JMY: variants seen among roughly 807,000 people sequenced by gnomAD.
JMY encodes the protein junction-mediating and -regulatory protein.
A neutral mutation model predicts 103.3 loss-of-function variants in JMY; 46 were observed. That is an observed-to-expected ratio of 0.45 (90% CI 0.35 to 0.57). The LOEUF is 0.57. Ranked by LOEUF, JMY falls within the 20% of genes least tolerant of loss-of-function variation. JMY has a pLI of 0.00. For missense variants in JMY, 1,238 were observed against 1,255.2 expected (o/e 0.99, Z 0.21); for synonymous variants, 526 against 489.3 (o/e 1.07, Z -0.99).
In JMY at chr5:79,278,101, C is replaced by G; in HGVS notation, c.1206+18C>G. ...AGATCAAGGTATTTTTTTATTAATC[C>G]TAACTAGTAGCCTGCCTGTTTCATA... On this transcript the variant is annotated intron_variant, in intron 2 of 10. Transcript: ENST00000396137. The G allele has an allele frequency of 6.3e-7, 1 of 1,593,708 alleles. No individual in the cohort carries two copies. Among genetic ancestry groups the G allele is most frequent in the Non-Finnish European group, 8.6e-7 (1 of 1,167,100 alleles).
At chr5:79,318,761 TAGAGAGAGAGAGAGAGAGAGAG>T (rs3081332) in intron 10 of JMY, among the ~76,000 whole-genome samples, 2 of 53,612 alleles carry the variant, frequency 3.7e-5, no homozygotes, top group Non-Finnish European at 6.5e-5. Context: ...TATATATATA[TAGAGAGAGAGAGAGAGAGAGAG>T]AGAGAGAGAG....
rs1168294022 is a variant in JMY at position 79,270,580 on chromosome 5, T to C, written c.1033-7330T>C. 2.7e-5 allele frequency among the ~76,000 whole-genome samples: 2 copies of C among 74,364 alleles called. 1 individual carries two copies. Among genetic ancestry groups the C allele is most frequent in the Non-Finnish European group, 6.6e-5 (2 of 30,406 alleles). 48.8% of individuals were successfully genotyped at this position (74,364 alleles called of 152,430 possible). A position where few individuals can be genotyped will look rare whatever the true frequency, so the allele number is the denominator to read the frequency against. Reference sequence around the variant, plus strand: ...TACATAAATATTTAAAATGTATATTTACATAAATATTTAAAATGTATATTT... The same window carrying C: ...TACATAAATATTTAAAATGTATATTCACATAAATATTTAAAATGTATATTT... On this transcript the variant is annotated intron_variant, in intron 1 of 10. Coordinates refer to ENST00000396137, the MANE Select transcript of JMY (RefSeq NM_152405.5).
intron 1 of JMY, among the ~76,000 whole-genome samples, chr5:79,244,689 CT>C (rs1744836632): frequency 6.6e-6 from 1 of 150,906 alleles, no homozygotes. Flanking sequence ...GAGAAGTTTC[CT>C]GTGGCTCTTT....
chr5:79,253,514 G>C (rs551012574), intron 1 of JMY, among the ~76,000 whole-genome samples: 3 of 152,022 alleles, frequency 2.0e-5, no homozygotes, highest in Non-Finnish European at 4.4e-5. Flanking sequence ...GGATAGTCTT[G>C]ATCTCCTGAC....
chr5:79,254,708 G>T (rs988958784), intron 1 of JMY, among the ~76,000 whole-genome samples: 1 of 151,996 alleles, frequency 6.6e-6, no homozygotes, highest in Non-Finnish European at 1.5e-5. Flanking sequence ...GGGAAGTTCT[G>T]TGTTATTATC....
At chr5:79,273,678 A>T (rs1745849966) in intron 1 of JMY, among the ~76,000 whole-genome samples, 1 of 152,180 alleles carries the variant, frequency 6.6e-6, no homozygotes, top group African/African-American at 2.4e-5. Context: ...GTACGCCTAT[A>T]ATCCTAACAC....
chr5:79,288,887 T>C (rs1297428643), intron 2 of JMY, among the ~76,000 whole-genome samples: 1 of 151,986 alleles, frequency 6.6e-6, no homozygotes, highest in East Asian at 1.9e-4. Flanking sequence ...CCCTTTGATA[T>C]AGTGAGTTTG....
chr5:79,262,347 A>G (rs1406171920), intron 1 of JMY, among the ~76,000 whole-genome samples: 1 of 152,140 alleles, frequency 6.6e-6, no homozygotes, highest in Non-Finnish European at 1.5e-5. Context: ...TACCTTACAC[A>G]TTTTGCAGTT....
In JMY at chr5:79,300,702, G is replaced by T; in HGVS notation, c.1720G>T (p.Asp574Tyr). 6.2e-7 allele frequency: 1 copy of T among 1,607,990 alleles called. No individual in the cohort carries two copies. Among genetic ancestry groups the T allele is most frequent in the South Asian group, 1.1e-5 (1 of 89,562 alleles). The change falls in exon 6 of 11, where the codon GAC (aspartate) becomes TAC (tyrosine). Residue 574 changes from aspartate to tyrosine, a missense_variant. Coordinates refer to ENST00000396137, the MANE Select transcript of JMY (RefSeq NM_152405.5). ...AAAAAGAGATGAAGTGGTATACTAT[G>T]ACACTTACGAAAGCATGGAGGCCAT... Reference protein sequence around the residue: ...SEKRDEVVYYDTYESMEAMLE... With the variant: ...SEKRDEVVYYYTYESMEAMLE...
chr5:79,315,610 TAAAC>T (rs889930311), intron 9 of JMY, among the ~76,000 whole-genome samples: 22 of 152,172 alleles, frequency 1.4e-4, no homozygotes, highest in African/African-American at 4.3e-4. Context: ...GTCTCCATAA[TAAAC>T]AAAAATTAAT....
chr5:79,246,059 G>GTGT (rs1279232273), intron 1 of JMY, among the ~76,000 whole-genome samples: 11 of 152,174 alleles, frequency 7.2e-5, no homozygotes, highest in African/African-American at 2.7e-4. Context: ...TATGGCAGTA[G>GTGT]TGTTTCATTT....
chr5:79,278,170 T>TAAAAA, intron 2 of JMY, 87 bp downstream of exon 2: 3 of 651,986 alleles, frequency 4.6e-6, no homozygotes, highest in Non-Finnish European at 7.0e-6. Flanking sequence ...AGAGGAACTT[T>TAAAAA]AAAAAAAAAA....
At chr5:79,244,201 A>G (rs941097443) in intron 1 of JMY, among the ~76,000 whole-genome samples, 4 of 151,942 alleles carry the variant, frequency 2.6e-5, no homozygotes, top group Non-Finnish European at 5.9e-5. Flanking sequence ...GGGTTTCACC[A>G]TGTTGGCCAG....
intron 1 of JMY, among the ~76,000 whole-genome samples, chr5:79,259,746 G>T (rs1286026898): frequency 6.6e-6 from 1 of 152,246 alleles, no homozygotes; most frequent in Non-Finnish European, 1.5e-5. Context: ...ACTTTGCCTT[G>T]TGAGTGGAAC....
At chr5:79,320,199 T>TGA (rs1747405933) in intron 10 of JMY, among the ~76,000 whole-genome samples, 1 of 152,124 alleles carries the variant, frequency 6.6e-6, no homozygotes, top group Non-Finnish European at 1.5e-5. Context: ...CTGGGCAACA[T>TGA]GACGAAACAC....
chr5:79,238,537 C>T (rs773820496), intron 1 of JMY, among the ~76,000 whole-genome samples: 1 of 152,026 alleles, frequency 6.6e-6, no homozygotes, highest in Non-Finnish European at 1.5e-5. Context: ...AAAATAGACC[C>T]AGTTTTCCCT....
In JMY at chr5:79,237,118, A is replaced by G. The variant is rs1044484469; in HGVS notation, c.468A>G (p.Glu156=). 2 of 1,548,690 alleles carry G rather than the reference A, an allele frequency of 1.3e-6. No homozygotes were observed. The highest frequency in any genetic ancestry group is 1.7e-6 in the Non-Finnish European group (2 of 1,145,888). The part of the protein sequence containing the change: ...AKPIPGQKTS[E]ADDAAGAAAA... ...CCATCCCGGGTCAGAAAACATCTGA[A>G]GCCGACGATGCGGCGGGGGCAGCCG... Residue 156 remains glutamate (E), a synonymous_variant, in exon 1 of 11, where the codon GAA becomes GAG. Coordinates refer to ENST00000396137, the MANE Select transcript of JMY (RefSeq NM_152405.5).
chr5:79,258,985 G>C (rs940456905), intron 1 of JMY, among the ~76,000 whole-genome samples: 2 of 152,168 alleles, frequency 1.3e-5, no homozygotes, highest in African/African-American at 4.8e-5. Flanking sequence ...GAGTGAGCAA[G>C]ACAAAGAGGA....
intron 1 of JMY, among the ~76,000 whole-genome samples, chr5:79,265,973 G>T (rs1745576499): frequency 6.6e-6 from 1 of 151,948 alleles, no homozygotes; most frequent in Non-Finnish European, 1.5e-5. Flanking sequence ...GTAGAGACAG[G>T]GTTTCACCAT....
Sources: gnomAD v4.1 joint callset for allele counts (sites outside exome capture counted in the v4.1 genomes callset) on GRCh38, gnomAD v4.1.1 for gene constraint, MANE v1.5 for transcripts, NCBI Gene and HGNC (gene_info 2026-07-23, HGNC 2026-07-21) for gene names.